CERS6: variants seen among roughly 807,000 people sequenced by gnomAD.
CERS6 encodes LAG1 homolog, ceramide synthase 6.
A neutral mutation model predicts 56.8 loss-of-function variants in CERS6; 26 were observed. That is an observed-to-expected ratio of 0.46 (90% CI 0.34 to 0.63). The LOEUF is 0.63. Among genes scored for constraint, CERS6 ranks in the 30% least tolerant of loss-of-function variants. The pLI, the probability that CERS6 is intolerant of heterozygous loss-of-function variation, is 0.01. For missense variants in CERS6, 415 were observed against 467.5 expected, an observed-to-expected ratio of 0.89 and a Z score of 1.04; for synonymous variants, 164 against 173.3, an observed-to-expected ratio of 0.95 and a Z score of 0.42.
chr2:168,504,738 A>T (rs1694645696), intron 1 of CERS6, among the ~76,000 whole-genome samples: 1 of 152,038 alleles, frequency 6.6e-6, no homozygotes, highest in Non-Finnish European at 1.5e-5. Context: ...CTGGACAGGC[A>T]GTATGGGCAT....
intron 4 of CERS6, among the ~76,000 whole-genome samples, chr2:168,644,567 T>G (rs1306354538): frequency 6.6e-6 from 1 of 152,188 alleles, no homozygotes; most frequent in African/African-American, 2.4e-5. Flanking sequence ...TGTTAGCCAC[T>G]GCAGCAGCCA....
chr2:168,474,509 G>A (rs1694033668), intron 1 of CERS6, among the ~76,000 whole-genome samples: 1 of 152,170 alleles, frequency 6.6e-6, no homozygotes, highest in South Asian at 2.1e-4. Flanking sequence ...TTATCCTGCA[G>A]CAAATAGAAT....
chr2:168,558,705 T>TA (rs1428485052), intron 2 of CERS6, among the ~76,000 whole-genome samples: 6 of 152,120 alleles, frequency 3.9e-5, no homozygotes, highest in Non-Finnish European at 7.3e-5. Context: ...CCGTCTCTAC[T>TA]AAAAATACAA....
intron 4 of CERS6, among the ~76,000 whole-genome samples, chr2:168,687,638 A>G (rs2105357310): frequency 6.6e-6 from 1 of 152,322 alleles, no homozygotes; most frequent in South Asian, 2.1e-4. Flanking sequence ...AAATCTGTGA[A>G]ATGTTTTATA....
At chr2:168,482,298 G>A (rs16855373) in intron 1 of CERS6, among the ~76,000 whole-genome samples, 2 of 152,156 alleles carry the variant, frequency 1.3e-5, no homozygotes, top group East Asian at 3.8e-4. Context: ...TGGTGGACTA[G>A]ATCAATGGAC....
intron 8 of CERS6, among the ~76,000 whole-genome samples, chr2:168,726,806 T>A (rs1216889571): frequency 1.3e-5 from 2 of 152,250 alleles, no homozygotes; most frequent in Non-Finnish European, 2.9e-5. Context: ...TCAGAAGTTC[T>A]TATTATATTT....
chr2:168,728,946 G>T (rs1683436896), intron 8 of CERS6, among the ~76,000 whole-genome samples: 1 of 147,890 alleles, frequency 6.8e-6, no homozygotes, highest in Non-Finnish European at 1.5e-5. Flanking sequence ...GGATGCGGAG[G>T]TTGCAGTGAG....
At chr2:168,636,140 A>T (rs1684854950) in intron 4 of CERS6, among the ~76,000 whole-genome samples, 1 of 152,170 alleles carries the variant, frequency 6.6e-6, no homozygotes, top group Admixed American at 6.6e-5. Context: ...AGTGCACATG[A>T]TATATAATAC....
In CERS6 at chr2:168,573,687, C is replaced by T. The variant is rs9287897; in HGVS notation, c.407+12365C>T. ...CCTTTGGTGCTCATTATCAGTGGAA[C>T]CCAGCTTTCATGCAGATCTGTCATG... On this transcript the variant is annotated intron_variant, in intron 3 of 9. Coordinates refer to ENST00000305747, the MANE Select transcript of CERS6 (RefSeq NM_203463.3). Among the ~76,000 whole-genome samples, 358 of 151,952 alleles carry T rather than the reference C, an allele frequency of 2.4e-3. 1 individual carries two copies. Among genetic ancestry groups the T allele is most frequent in the Non-Finnish European group, 3.3e-3 (227 of 67,984 alleles).
At chr2:168,678,965 G>A (rs114776884) in intron 4 of CERS6, among the ~76,000 whole-genome samples, 6,654 of 152,236 alleles carry the variant, frequency 0.044, 420 homozygotes, top group African/African-American at 0.14. Flanking sequence ...TAAAGAAAAT[G>A]TGGCATATAT....
chr2:168,525,731 A>G (rs1440175057), intron 1 of CERS6, among the ~76,000 whole-genome samples: 1 of 152,220 alleles, frequency 6.6e-6, no homozygotes, highest in East Asian at 1.9e-4. Context: ...AAAAATTTTT[A>G]TGGTAAAATG....
At chr2:168,657,920 T>C (rs955407958) in intron 4 of CERS6, among the ~76,000 whole-genome samples, 2 of 152,198 alleles carry the variant, frequency 1.3e-5, no homozygotes, top group Admixed American at 1.3e-4. Context: ...GCTCCTCAAA[T>C]GCCACCGAAG....
chr2:168,500,137 C>T (rs936731208), intron 1 of CERS6, among the ~76,000 whole-genome samples: 11 of 152,208 alleles, frequency 7.2e-5, no homozygotes, highest in African/African-American at 2.4e-4. Flanking sequence ...AAAAATGGGT[C>T]GCTTCTCTCA....
At chr2:168,587,884 A>G (rs1236980086) in intron 3 of CERS6, among the ~76,000 whole-genome samples, 1 of 152,086 alleles carries the variant, frequency 6.6e-6, no homozygotes, top group Non-Finnish European at 1.5e-5. Flanking sequence ...GCCAAAATTT[A>G]TTGCGCTCCT....
intron 1 of CERS6, among the ~76,000 whole-genome samples, chr2:168,483,717 C>T (rs1694218587): frequency 6.6e-6 from 1 of 152,220 alleles, no homozygotes; most frequent in African/African-American, 2.4e-5. Flanking sequence ...AGTAACGCTT[C>T]ATATTCTCTC....
chr2:168,481,427 C>G (rs1244791003), intron 1 of CERS6, among the ~76,000 whole-genome samples: 1 of 151,992 alleles, frequency 6.6e-6, no homozygotes, highest in Non-Finnish European at 1.5e-5. Context: ...AAAAAACGGA[C>G]AGTTACAGGT....
chr2:168,614,449 C>T (rs1347291297), intron 3 of CERS6, among the ~76,000 whole-genome samples: 1 of 152,214 alleles, frequency 6.6e-6, no homozygotes, highest in Non-Finnish European at 1.5e-5. Context: ...CTGGCTTTCA[C>T]AGCTGGGAGG....
intron 8 of CERS6, among the ~76,000 whole-genome samples, chr2:168,734,543 G>A (rs1444376562): frequency 1.3e-5 from 2 of 152,174 alleles, no homozygotes; most frequent in Non-Finnish European, 2.9e-5. Context: ...ACAAAAGACA[G>A]ACAGACACGC....
chr2:168,508,229 A>G (rs1301960559), intron 1 of CERS6, among the ~76,000 whole-genome samples: 1 of 152,226 alleles, frequency 6.6e-6, no homozygotes, highest in Non-Finnish European at 1.5e-5. Flanking sequence ...GAATAAATGT[A>G]TAACTTTAGG....
Sources: allele counts gnomAD v4.1 joint callset (sites outside exome capture counted in the v4.1 genomes callset), GRCh38; gene constraint gnomAD v4.1.1; transcripts MANE v1.5; gene names NCBI Gene and HGNC (gene_info 2026-07-23, HGNC 2026-07-21).